Variants in ADK observed in about 807,000 individuals in gnomAD.
The protein encoded by ADK is adenosine kinase.
Under a neutral mutation model 44.7 loss-of-function variants are expected in ADK, and 24 were observed. The ratio of observed to expected loss-of-function variants is 0.54; its 90% CI spans 0.39 to 0.76. The LOEUF (loss-of-function observed/expected upper bound fraction) is 0.76. ADK is among the 30% of genes least tolerant of loss of function. The pLI is 0.00. For synonymous variants in ADK, 128 were observed against 142.6 expected, an observed-to-expected ratio of 0.90 and a Z score of 0.73; for missense variants, 321 against 425.1, an observed-to-expected ratio of 0.76 and a Z score of 2.15.
intron 3 of ADK, among the ~76,000 whole-genome samples, chr10:74,279,884 C>T (rs962323813): frequency 3.3e-5 from 5 of 152,028 alleles, no homozygotes; most frequent in Admixed American, 3.3e-4. Flanking sequence ...AAAAATTAAA[C>T]TGGTGTGGTA....
chr10:74,486,798 A>T (rs1046143017), intron 6 of ADK, among the ~76,000 whole-genome samples: 6 of 152,202 alleles, frequency 3.9e-5, no homozygotes, highest in Non-Finnish European at 1.5e-5. Context: ...AGAATTTGAC[A>T]TAACAAGTAT....
At chr10:74,218,698 A>G (rs970456834) in intron 2 of ADK, among the ~76,000 whole-genome samples, 1 of 152,188 alleles carries the variant, frequency 6.6e-6, no homozygotes, top group Non-Finnish European at 1.5e-5. Flanking sequence ...GCCAGAAGAG[A>G]GTGGGGGCCA....
rs61699951 is a variant in ADK at position 74,151,376 on chromosome 10, C to T, written c.65+33C>T. 7.5e-3 allele frequency: 11,563 copies of T among 1,548,518 alleles called. 749 individuals carry two copies. In the African/African-American group the frequency reaches 0.13, roughly 18 times the overall value. ...CTGCCGGACTTGGGGAGGAGGGTGACGGCGCTGCAAGCAAGCCAGGGCCCA... is the reference window on the plus strand; with the variant it reads ...CTGCCGGACTTGGGGAGGAGGGTGATGGCGCTGCAAGCAAGCCAGGGCCCA... On this transcript the variant is annotated intron_variant, in intron 1 of 10. Coordinates refer to ENST00000539909, the MANE Select transcript of ADK (RefSeq NM_006721.4).
chr10:74,229,010 CTG>C (rs1844649880), intron 3 of ADK, among the ~76,000 whole-genome samples: 1 of 152,040 alleles, frequency 6.6e-6, no homozygotes, highest in South Asian at 2.1e-4. Context: ...GCAGTGTATA[CTG>C]TTCTAAATAT....
At position 74,185,962 on chromosome 10, in the gene ADK, C is replaced by G. The variant is rs185555161; in HGVS notation, c.66-14802C>G. ...TCCTGGGGTCAAGGGATTCTTCTGC[C>G]TCAGCCCCCTGAGTAGCTGGGATTA... On this transcript the variant is annotated intron_variant, in intron 1 of 10. Coordinates refer to ENST00000539909, the MANE Select transcript of ADK (RefSeq NM_006721.4). 1.1e-4 allele frequency among the ~76,000 whole-genome samples: 17 copies of G among 151,990 alleles called. 1 individual carries two copies. In the East Asian group the frequency reaches 3.3e-3, roughly 30 times the overall value.
At chr10:74,405,650 A>C (rs1164184358) in intron 6 of ADK, among the ~76,000 whole-genome samples, 1 of 152,060 alleles carries the variant, frequency 6.6e-6, no homozygotes, top group African/African-American at 2.4e-5. Flanking sequence ...TCTTATGAGA[A>C]TCTAACTAAT....
At chr10:74,260,708 A>G (rs1251989935) in intron 3 of ADK, among the ~76,000 whole-genome samples, 1 of 152,138 alleles carries the variant, frequency 6.6e-6, no homozygotes, top group African/African-American at 2.4e-5. Context: ...ATTCAGGTAA[A>G]TTTATATTTT....
At chr10:74,441,072 AC>A (rs1845390124) in intron 6 of ADK, among the ~76,000 whole-genome samples, 1 of 152,110 alleles carries the variant, frequency 6.6e-6, no homozygotes, top group African/African-American at 2.4e-5. Flanking sequence ...TAATTTCACC[AC>A]CTTAGTATTT....
intron 1 of ADK, among the ~76,000 whole-genome samples, chr10:74,171,808 C>G (rs980708390): frequency 2.7e-4 from 38 of 142,532 alleles, no homozygotes; most frequent in Admixed American, 7.0e-4. Context: ...CTCTCTGTCT[C>G]TCTGTGTGTG....
chr10:74,403,905 T>C (rs1335730732), intron 6 of ADK, among the ~76,000 whole-genome samples: 5 of 152,198 alleles, frequency 3.3e-5, no homozygotes, highest in Non-Finnish European at 7.4e-5. Context: ...GGAGTCTTGC[T>C]GTGTCATCCA....
At chr10:74,407,037 C>T (rs912054472) in intron 6 of ADK, among the ~76,000 whole-genome samples, 7 of 149,816 alleles carry the variant, frequency 4.7e-5, no homozygotes, top group Non-Finnish European at 7.4e-5. Flanking sequence ...AGCTGGAGTG[C>T]AGTGGCACAA....
chr10:74,589,159 G>T, intron 7 of ADK, 123 bp from the exon 8 acceptor site: 2 of 808,176 alleles, frequency 2.5e-6, no homozygotes, highest in South Asian at 1.6e-5. Context: ...AATAAAAATT[G>T]AACTATGTGG....
chr10:74,288,189 T>C (rs968013755), intron 3 of ADK, among the ~76,000 whole-genome samples: 1 of 152,118 alleles, frequency 6.6e-6, no homozygotes, highest in African/African-American at 2.4e-5. Context: ...GCTTACATTA[T>C]TTGGGGAGGG....
chr10:74,502,952 G>A (rs535112548), intron 6 of ADK, among the ~76,000 whole-genome samples: 17 of 152,132 alleles, frequency 1.1e-4, no homozygotes, highest in African/African-American at 3.4e-4. Context: ...TATGTAGTTC[G>A]TTACTAAGAG....
chr10:74,648,550 C>T (rs927353738), intron 9 of ADK, among the ~76,000 whole-genome samples: 1 of 151,544 alleles, frequency 6.6e-6, no homozygotes, highest in African/African-American at 2.4e-5. Context: ...TGGTGGCACA[C>T]GCCTGTAGTC....
At chr10:74,200,326 A>T (rs1250789352) in intron 1 of ADK, among the ~76,000 whole-genome samples, 1 of 151,846 alleles carries the variant, frequency 6.6e-6, no homozygotes, top group Non-Finnish European at 1.5e-5. Context: ...TCTACTAAAA[A>T]TACAAAAATT....
At chr10:74,563,618 A>G (rs1395017259) in intron 7 of ADK, among the ~76,000 whole-genome samples, 1 of 152,216 alleles carries the variant, frequency 6.6e-6, no homozygotes, top group South Asian at 2.1e-4. Flanking sequence ...CTTTTACTTT[A>G]GGGAACAAAA....
intron 2 of ADK, among the ~76,000 whole-genome samples, chr10:74,221,602 G>A (rs552557496): frequency 0.025 from 3,644 of 146,470 alleles, 150 homozygotes; most frequent in African/African-American, 0.09. Flanking sequence ...GAGGCATCAC[G>A]CTACCTGACT....
intron 9 of ADK, among the ~76,000 whole-genome samples, chr10:74,667,545 T>C (rs78986763): frequency 2.2e-4 from 33 of 151,300 alleles, no homozygotes; most frequent in Non-Finnish European, 4.7e-4. Flanking sequence ...TTTTTTTTTT[T>C]CCTCCGAGAG....
Sources: gnomAD v4.1 joint callset for allele counts (sites outside exome capture counted in the v4.1 genomes callset) on GRCh38, gnomAD v4.1.1 for gene constraint, MANE v1.5 for transcripts, NCBI Gene and HGNC (gene_info 2026-07-23, HGNC 2026-07-21) for gene names.